The following KIF9 variants were observed in gnomAD, a reference collection of about 807,000 sequenced individuals.
KIF9 encodes kinesin family member 9.
In KIF9, 68 loss-of-function variants were observed where a neutral mutation model predicts 94.8. The observed-to-expected ratio is 0.72, with a 90% CI of 0.59 to 0.88. The LOEUF (loss-of-function observed/expected upper bound fraction) is 0.88, where lower values mean the gene tolerates loss of function less well. KIF9 is among the 40% of genes least tolerant of loss of function. The pLI is 0.00. For synonymous variants in KIF9, 343 were observed against 362.1 expected, an observed-to-expected ratio of 0.95 and a Z score of 0.60; for missense variants, 882 against 982.5, an observed-to-expected ratio of 0.90 and a Z score of 1.37.
chr3:47,271,177 G>A, intron 5 of KIF9, 60 bp downstream of exon 5: 1 of 1,182,634 alleles, frequency 8.5e-7, no homozygotes, highest in Non-Finnish European at 1.2e-6. Flanking sequence ...AAGAAAAGCT[G>A]AGAAGGAGGG....
At chr3:47,241,285 A>G (rs941103487) in intron 16 of KIF9, among the ~76,000 whole-genome samples, 1 of 151,964 alleles carries the variant, frequency 6.6e-6, no homozygotes, top group Non-Finnish European at 1.5e-5. Flanking sequence ...GAAAAGAACA[A>G]TGGCATATGG....
chr3:47,242,978 G>C, intron 16 of KIF9, 73 bp downstream of exon 16: 2 of 1,197,980 alleles, frequency 1.7e-6, no homozygotes, highest in Non-Finnish European at 2.4e-6. Flanking sequence ...TTTATCTGCA[G>C]GTACTCTTCA....
rs1338546337 is a variant in KIF9 at position 47,236,169 on chromosome 3, CAG to C, written c.2102-22_2102-21del. On this transcript the variant is annotated intron_variant, in intron 18 of 20. Transcript: ENST00000684063. ...CAAATTCTACAAGGAGGTGAGGAGA[CAG>C]AACTTGAGGAAGCCGGTAAGGGCTG... The C allele has an allele frequency of 6.3e-7, 1 of 1,580,856 alleles. No individual in the cohort carries two copies. Among genetic ancestry groups the C allele is most frequent in the African/African-American group, 1.3e-5 (1 of 74,264 alleles).
At position 47,267,009 on chromosome 3, in the gene KIF9, A is replaced by G. The variant is rs1701328872; in HGVS notation, c.735T>C (p.Asp245=). The change falls in exon 7 of 21, where the codon GAT becomes GAC. Residue 245 remains aspartate, a synonymous_variant. Coordinates refer to ENST00000684063, the MANE Select transcript of KIF9 (RefSeq NM_182902.4). The part of the protein sequence containing the change: ...KYITSKINLV[D]LAGSERLGKS... Reference sequence around the variant, plus strand: ...TCCCCAGCCTCTCTGAGCCTGCCAGATCCACCAAGTTAATTTTGGAAGTGA... The same window carrying G: ...TCCCCAGCCTCTCTGAGCCTGCCAGGTCCACCAAGTTAATTTTGGAAGTGA... The G allele has an allele frequency of 1.2e-6, 2 of 1,613,770 alleles. No individual in the cohort carries two copies. Among genetic ancestry groups the G allele is most frequent in the Non-Finnish European group, 1.7e-6 (2 of 1,180,020 alleles).
chr3:47,279,310 T>TAA (rs896126636), intron 1 of KIF9, among the ~76,000 whole-genome samples: 1 of 148,158 alleles, frequency 6.7e-6, no homozygotes, highest in Non-Finnish European at 1.5e-5. Flanking sequence ...CTGTTTCCAC[T>TAA]AAAAAAAAAT....
Position 47,277,311 on chromosome 3 carries a change from C to A in KIF9, c.64G>T (p.Glu22Ter). The A allele has an allele frequency of 6.2e-7, 1 of 1,614,016 alleles. No homozygotes were observed. The highest frequency in any genetic ancestry group is 8.5e-7 in the Non-Finnish European group (1 of 1,179,932). ...RVKPTDDFAH[E>*]MIRYGDDKRS... ...TTGTCATCTCCGTATCTGATCATTT[C>A]ATGAGCAAAGTCATCGGTGGGTTTG... Residue 22 changes from glutamate to a stop codon, truncating the protein, a stop_gained, in exon 2 of 21, where the codon GAA becomes TAA. Transcript: ENST00000684063. LOFTEE classifies it high-confidence loss of function.
In KIF9 at chr3:47,228,460, A is replaced by C; in HGVS notation, c.*192T>G. The C allele has an allele frequency of 1.5e-6, 1 of 646,514 alleles. No homozygotes were observed. Among genetic ancestry groups the C allele is most frequent in the East Asian group, 2.5e-5 (1 of 39,442 alleles). 40.0% of individuals were successfully genotyped at this position (646,514 alleles called of 1,614,324 possible). A position where few individuals can be genotyped will look rare whatever the true frequency, so the allele number is the denominator to read the frequency against. Reference sequence around the variant, plus strand: ...ATATAAGACAGTGAATTAAAACCCAAAGTGCTCTGTGGAGATGAGCAAGGT... The same window carrying C: ...ATATAAGACAGTGAATTAAAACCCACAGTGCTCTGTGGAGATGAGCAAGGT... On this transcript the variant is annotated 3_prime_UTR_variant, in exon 21 of 21. Coordinates refer to ENST00000684063, the MANE Select transcript of KIF9 (RefSeq NM_182902.4).
intron 3 of KIF9, among the ~76,000 whole-genome samples, chr3:47,274,411 C>T (rs1218706431): frequency 6.6e-6 from 1 of 152,258 alleles, no homozygotes; most frequent in Non-Finnish European, 1.5e-5. Flanking sequence ...AGCCAGACCC[C>T]ATCCCACAGG....
Position 47,257,389 on chromosome 3 carries a change from T to C in KIF9, c.1059+94A>G, listed in dbSNP as rs192093164. On this transcript the variant is annotated intron_variant, in intron 10 of 20. Coordinates refer to ENST00000684063, the MANE Select transcript of KIF9 (RefSeq NM_182902.4). ...CCAGGGCTGCATGGGGATCTTTGGT[T>C]GAGGCAGGAAGGGAAGGCTCGCTTG... 13 of 1,095,088 alleles carry C rather than the reference T, an allele frequency of 1.2e-5. No homozygotes were observed. In the Admixed American group the frequency reaches 1.4e-4, roughly 12 times the overall value. 67.8% of individuals were successfully genotyped at this position (1,095,088 alleles called of 1,614,324 possible).
At chr3:47,250,516 T>C (rs774721085) in intron 10 of KIF9, 12 of 441,320 alleles carry the variant, frequency 2.7e-5, no homozygotes, top group Non-Finnish European at 4.2e-5. Context: ...TGATACTTTT[T>C]TTTTCAGATC....
intron 19 of KIF9, 123 bp downstream of exon 19, chr3:47,235,911 G>A (rs1698990512): frequency 8.1e-6 from 6 of 743,522 alleles, no homozygotes; most frequent in South Asian, 3.3e-5. Context: ...TGCCTGGGCT[G>A]GCTGTGGAGA....
chr3:47,280,412 G>C (rs1315572829), intron 1 of KIF9, among the ~76,000 whole-genome samples: 1 of 152,222 alleles, frequency 6.6e-6, no homozygotes, highest in Non-Finnish European at 1.5e-5. Context: ...GGCCAGTTCA[G>C]AGCATCAACC....
At chr3:47,241,742 T>C (rs1559428155) in intron 16 of KIF9, among the ~76,000 whole-genome samples, 2 of 146,880 alleles carry the variant, frequency 1.4e-5, no homozygotes, top group Non-Finnish European at 3.0e-5. Flanking sequence ...TATGTGTGTG[T>C]ATATATACGT....
At chr3:47,275,585 A>G in intron 2 of KIF9, 95 bp from the exon 3 acceptor site, 2 of 899,530 alleles carry the variant, frequency 2.2e-6, no homozygotes, top group East Asian at 5.0e-5. Flanking sequence ...TGGAGGGAAC[A>G]GAGGAAATGA....
chr3:47,266,193 G>C, intron 7 of KIF9: 1 of 273,608 alleles, frequency 3.7e-6, no homozygotes, highest in Non-Finnish European at 7.0e-6. Context: ...TACTTGTCTA[G>C]ATATTTGAGC....
At chr3:47,257,681 T>C (rs765106919) in intron 9 of KIF9, 121 bp from the exon 10 acceptor site, 48 of 796,184 alleles carry the variant, frequency 6.0e-5, no homozygotes, top group Middle Eastern at 7.3e-4. Context: ...TGTCAACCCA[T>C]GTTGGTTCCC....
At chr3:47,272,514 T>C (rs1336303998) in intron 4 of KIF9, among the ~76,000 whole-genome samples, 1 of 152,212 alleles carries the variant, frequency 6.6e-6, no homozygotes, top group Non-Finnish European at 1.5e-5. Context: ...GCATTTCTGA[T>C]AATATTTATG....
intron 10 of KIF9, among the ~76,000 whole-genome samples, chr3:47,251,858 T>A (rs1700292581): frequency 6.6e-6 from 1 of 152,116 alleles, no homozygotes. Flanking sequence ...TTACACCACT[T>A]CACAGAATCA....
In KIF9 at chr3:47,273,584, G is replaced by C; in HGVS notation, c.334C>G (p.His112Asp). 1 of 1,612,724 alleles carries C rather than the reference G, an allele frequency of 6.2e-7. No individual in the cohort carries two copies. Among genetic ancestry groups the C allele is most frequent in the Non-Finnish European group, 8.5e-7 (1 of 1,179,192 alleles). The change falls in exon 4 of 21, where the codon CAC becomes GAC. Residue 112 changes from histidine to aspartate, a missense_variant. By Grantham distance (81) the His-to-Asp change is moderately conservative. Transcript: ENST00000684063. ...AGGGCACGAGGGAGGATCCCCCGGT[G>C]CTTGTAATTCTCAGTTGCCCCCATC... ...TMMGATENYK[H>D]RGILPRALQQ...
Sources: allele counts gnomAD v4.1 joint callset (sites outside exome capture counted in the v4.1 genomes callset), GRCh38; gene constraint gnomAD v4.1.1; transcripts MANE v1.5; gene names NCBI Gene and HGNC (gene_info 2026-07-23, HGNC 2026-07-21).